QKI: variants seen among roughly 807,000 people sequenced by gnomAD.
QKI encodes the protein QKI, KH domain containing RNA binding.
A neutral mutation model predicts 39.0 loss-of-function variants in QKI; 10 were observed. The observed-to-expected ratio is 0.26, with a 90% CI of 0.16 to 0.43. The LOEUF is 0.43. QKI is among the 20% of genes least tolerant of loss of function. QKI has a pLI of 1.00. For missense variants in QKI, 218 were observed against 428.0 expected (o/e 0.51, Z 4.33); for synonymous variants, 204 against 155.4 (o/e 1.31, Z -2.33).
intron 1 of QKI, among the ~76,000 whole-genome samples, chr6:163,453,499 T>C (rs1171332643): frequency 6.6e-6 from 1 of 152,208 alleles, no homozygotes; most frequent in South Asian, 2.1e-4. Context: ...CTAATGTCCC[T>C]TGGTTAATTA....
intron 1 of QKI, chr6:163,415,796 A>G (rs1787409551): frequency 2.3e-6 from 1 of 426,894 alleles, no homozygotes; most frequent in Non-Finnish European, 4.7e-6. Flanking sequence ...CTCTGCGCGG[A>G]CCCCCACCGC....
chr6:163,564,702 G>A (rs201093270), intron 6 of QKI: 6 of 1,613,880 alleles, frequency 3.7e-6, no homozygotes, highest in South Asian at 1.1e-5. Context: ...TGATATTTCA[G>A]CCCATTGACT....
At chr6:163,435,693 A>C (rs1451834002) in intron 1 of QKI, among the ~76,000 whole-genome samples, 1 of 152,196 alleles carries the variant, frequency 6.6e-6, no homozygotes, top group Non-Finnish European at 1.5e-5. Flanking sequence ...ATGCCTAATG[A>C]AATCCATTTG....
At chr6:163,460,788 G>T (rs1203169861) in intron 2 of QKI, among the ~76,000 whole-genome samples, 3 of 152,082 alleles carry the variant, frequency 2.0e-5, no homozygotes, top group African/African-American at 7.2e-5. Flanking sequence ...AATAACAAAT[G>T]ATATTAAATC....
At chr6:163,501,949 CTGTT>C (rs10578389) in intron 3 of QKI, among the ~76,000 whole-genome samples, 118,627 of 151,652 alleles carry the variant, frequency 0.78, 46,580 homozygotes, top group East Asian at 1. Flanking sequence ...GGATAAAAAA[CTGTT>C]TGTTATGTGT....
At position 163,437,998 on chromosome 6, in the gene QKI, G is replaced by T. The variant is rs529973014; in HGVS notation, c.143-17281G>T. On this transcript the variant is annotated intron_variant, in intron 1 of 7. Transcript: ENST00000361752. ...GTACTGTGAGGTTTGTGTTTGAGTA[G>T]CTTTTAAGGTTTTCTGGATTATGTG... is the stretch of plus-strand genomic sequence containing the variant. Among the ~76,000 whole-genome samples, 4 of 152,284 alleles carry T rather than the reference G, an allele frequency of 2.6e-5. No individual in the cohort carries two copies. The South Asian group carries it at 6.2e-4, about 24-fold the overall frequency.
intron 1 of QKI, among the ~76,000 whole-genome samples, chr6:163,436,625 C>T (rs1789294314): frequency 6.6e-6 from 1 of 151,724 alleles, no homozygotes; most frequent in South Asian, 2.1e-4. Context: ...ACCAGCCAGG[C>T]CAACATGGTG....
At chr6:163,506,975 A>C (rs1262473497) in intron 3 of QKI, among the ~76,000 whole-genome samples, 1 of 152,190 alleles carries the variant, frequency 6.6e-6, no homozygotes, top group Non-Finnish European at 1.5e-5. Flanking sequence ...ACATAGCTGT[A>C]AGCAAGGACT....
intron 2 of QKI, among the ~76,000 whole-genome samples, chr6:163,463,202 T>C (rs2784868): frequency 0.021 from 3,136 of 152,256 alleles, 55 homozygotes; most frequent in South Asian, 0.059. Flanking sequence ...TTTTTCTTGT[T>C]ATCAGGGTAT....
intron 2 of QKI, among the ~76,000 whole-genome samples, chr6:163,466,811 C>T (rs1459847634): frequency 6.6e-6 from 1 of 152,020 alleles, no homozygotes; most frequent in Non-Finnish European, 1.5e-5. Context: ...TGATACTGGT[C>T]TTGGTAATGA....
rs1307049293 is a variant in QKI, at chr6:163,566,842, T to C, written c.1009+47T>C. On this transcript the variant is annotated intron_variant, in intron 7 of 7. Coordinates refer to ENST00000361752, the MANE Select transcript of QKI (RefSeq NM_006775.3). ...TTGTCTATAAGAAATGCGTTGGGTG[T>C]CCATAAAATTTGCAACACCACACCT... 2.5e-6 allele frequency: 4 copies of C among 1,598,502 alleles called. No individual in the cohort carries two copies. The East Asian group carries it at 9.0e-5, about 36-fold the overall frequency.
At chr6:163,530,703 C>T (rs1488027405) in intron 3 of QKI, among the ~76,000 whole-genome samples, 1 of 152,034 alleles carries the variant, frequency 6.6e-6, no homozygotes, top group Non-Finnish European at 1.5e-5. Flanking sequence ...TTTTCTGAGG[C>T]CTGATGTGGA....
chr6:163,518,888 T>G (rs763810168), intron 3 of QKI, among the ~76,000 whole-genome samples: 19 of 152,198 alleles, frequency 1.2e-4, no homozygotes, highest in Non-Finnish European at 2.8e-4. Context: ...CAAGAATACC[T>G]GTGAGGTAAG....
At chr6:163,543,939 T>C (rs1781702184) in intron 4 of QKI, among the ~76,000 whole-genome samples, 1 of 152,154 alleles carries the variant, frequency 6.6e-6, no homozygotes, top group African/African-American at 2.4e-5. Context: ...TAACAAACGT[T>C]AACCAGATAC....
intron 3 of QKI, among the ~76,000 whole-genome samples, chr6:163,518,057 A>G (rs986532566): frequency 1.3e-5 from 2 of 152,128 alleles, no homozygotes; most frequent in Admixed American, 6.6e-5. Flanking sequence ...TTTAATATTT[A>G]TTGTGAAGGA....
At chr6:163,459,193 A>G (rs1473556526) in intron 2 of QKI, among the ~76,000 whole-genome samples, 1 of 152,192 alleles carries the variant, frequency 6.6e-6, no homozygotes, top group African/African-American at 2.4e-5. Flanking sequence ...GCATGCTCTT[A>G]TGGCAGGCCA....
At chr6:163,522,797 C>G (rs1780242920) in intron 3 of QKI, among the ~76,000 whole-genome samples, 1 of 152,142 alleles carries the variant, frequency 6.6e-6, no homozygotes, top group South Asian at 2.1e-4. Flanking sequence ...TTATTCTACA[C>G]AGTTGTGTTT....
At chr6:163,478,485 T>C (rs887935375) in intron 2 of QKI, among the ~76,000 whole-genome samples, 9 of 152,222 alleles carry the variant, frequency 5.9e-5, no homozygotes, top group Non-Finnish European at 1.5e-5. Flanking sequence ...TCAAACTCTT[T>C]AATACTCTCT....
chr6:163,429,749 C>A (rs1178094201), intron 1 of QKI, among the ~76,000 whole-genome samples: 1 of 152,114 alleles, frequency 6.6e-6, no homozygotes, highest in Non-Finnish European at 1.5e-5. Context: ...TTGCATATTT[C>A]ATGTATTAGT....
Sources: allele counts gnomAD v4.1 joint callset (sites outside exome capture counted in the v4.1 genomes callset), GRCh38; gene constraint gnomAD v4.1.1; transcripts MANE v1.5; gene names NCBI Gene and HGNC (gene_info 2026-07-23, HGNC 2026-07-21).